The following EXT1 variants were observed in gnomAD, a reference collection of about 807,000 sequenced individuals.
EXT1 encodes exostosin-1.
EXT1 carries 20 observed loss-of-function variants against 82.5 expected under a neutral mutation model. The observed-to-expected ratio is 0.24, with a 90% CI of 0.17 to 0.35. EXT1 has a LOEUF of 0.35. Among genes scored for constraint, EXT1 ranks in the 10% least tolerant of loss-of-function variants. EXT1 has a pLI of 1.00. For synonymous variants in EXT1, 348 were observed against 350.8 expected (o/e 0.99, Z 0.09); for missense variants, 757 against 936.5 (o/e 0.81, Z 2.50).
chr8:117,863,641 A>G (rs778562789), intron 1 of EXT1, among the ~76,000 whole-genome samples: 1 of 152,062 alleles, frequency 6.6e-6, no homozygotes, highest in South Asian at 2.1e-4. Context: ...GGACTCCCCA[A>G]AGGACAGTAA....
intron 1 of EXT1, among the ~76,000 whole-genome samples, chr8:117,880,844 G>C (rs1813046711): frequency 6.6e-6 from 1 of 152,104 alleles, no homozygotes; most frequent in African/African-American, 2.4e-5. Flanking sequence ...ACCCACCTCG[G>C]CCTCCCAAAG....
intron 1 of EXT1, among the ~76,000 whole-genome samples, chr8:118,042,302 T>C (rs1816546413): frequency 6.6e-6 from 1 of 151,592 alleles, no homozygotes; most frequent in South Asian, 2.1e-4. Flanking sequence ...GTTTTTTGTT[T>C]TGTTTTGTTT....
At chr8:118,036,204 C>T (rs770134219) in intron 1 of EXT1, among the ~76,000 whole-genome samples, 13 of 152,042 alleles carry the variant, frequency 8.6e-5, no homozygotes, top group Non-Finnish European at 1.3e-4. Context: ...CTGGGTACCT[C>T]AAAGTTGACA....
chr8:118,012,256 T>C (rs1428280685), intron 1 of EXT1, among the ~76,000 whole-genome samples: 1 of 152,236 alleles, frequency 6.6e-6, no homozygotes, highest in African/African-American at 2.4e-5. Context: ...TTTAGAAGCC[T>C]TGCTGAAAGT....
rs17476791 is a variant in EXT1 at position 118,049,082 on chromosome 8, A to G, written c.962+61003T>C. Among the ~76,000 whole-genome samples, 927 of 152,346 alleles carry G rather than the reference A, an allele frequency of 6.1e-3. 10 individuals carry two copies. Among genetic ancestry groups the G allele is most frequent in the African/African-American group, 0.021 (868 of 41,576 alleles). ...ATCCATTTACAGCCAACTATTTCAGACTGGTTAGATCACATAAAAATATTT... is the reference window on the plus strand; with the variant it reads ...ATCCATTTACAGCCAACTATTTCAGGCTGGTTAGATCACATAAAAATATTT... On this transcript the variant is annotated intron_variant, in intron 1 of 10. Coordinates refer to ENST00000378204, the MANE Select transcript of EXT1 (RefSeq NM_000127.3).
chr8:117,851,519 T>C (rs1812453407), intron 1 of EXT1, among the ~76,000 whole-genome samples: 1 of 151,900 alleles, frequency 6.6e-6, no homozygotes, highest in Non-Finnish European at 1.5e-5. Flanking sequence ...ATTTTTTTTT[T>C]TCTCTCCAAC....
intron 1 of EXT1, among the ~76,000 whole-genome samples, chr8:117,911,285 G>A (rs371479216): frequency 1.3e-5 from 2 of 152,066 alleles, no homozygotes; most frequent in East Asian, 3.9e-4. Context: ...CACAAGAAAA[G>A]GCCTCCTGTC....
intron 1 of EXT1, among the ~76,000 whole-genome samples, chr8:117,931,759 T>C (rs1306791913): frequency 6.6e-6 from 1 of 152,254 alleles, no homozygotes; most frequent in African/African-American, 2.4e-5. Flanking sequence ...ATCTATGTTT[T>C]AGGTATATTT....
chr8:117,919,506 C>CTT (rs34037715), intron 1 of EXT1, among the ~76,000 whole-genome samples: 25,981 of 141,054 alleles, frequency 0.18, 2,501 homozygotes, highest in Middle Eastern at 0.23. Flanking sequence ...TGAGTTAAAA[C>CTT]TTTTTTTTTT....
intron 1 of EXT1, among the ~76,000 whole-genome samples, chr8:118,022,438 AGCGAT>A (rs1368770449): frequency 4.2e-5 from 6 of 142,664 alleles, no homozygotes; most frequent in Non-Finnish European, 9.0e-5. Flanking sequence ...CCCAGGTTCA[AGCGAT>A]TCTCCTGCCT....
At chr8:117,904,267 C>A (rs73704827) in intron 1 of EXT1, among the ~76,000 whole-genome samples, 7,065 of 152,186 alleles carry the variant, frequency 0.046, 554 homozygotes, top group African/African-American at 0.16. Flanking sequence ...AAAAGCAGTT[C>A]CTATAACAAA....
At chr8:117,861,338 T>C (rs4478606) in intron 1 of EXT1, among the ~76,000 whole-genome samples, 112,090 of 152,120 alleles carry the variant, frequency 0.74, 41,700 homozygotes, top group Non-Finnish European at 0.79. Context: ...ACTAGTTTGT[T>C]ATTTTAAAAT....
chr8:118,007,883 A>G (rs1815812165), intron 1 of EXT1, among the ~76,000 whole-genome samples: 1 of 152,242 alleles, frequency 6.6e-6, no homozygotes, highest in South Asian at 2.1e-4. Flanking sequence ...ACATTACCCA[A>G]GGGACTAATG....
At chr8:117,812,306 A>G (rs1823339124) in intron 8 of EXT1, among the ~76,000 whole-genome samples, 1 of 152,078 alleles carries the variant, frequency 6.6e-6, no homozygotes, top group African/African-American at 2.4e-5. Flanking sequence ...TCTTTAGGCA[A>G]TCTTATTTTT....
intron 1 of EXT1, among the ~76,000 whole-genome samples, chr8:118,032,301 C>T (rs1563634954): frequency 6.6e-6 from 1 of 151,714 alleles, no homozygotes; most frequent in African/African-American, 2.4e-5. Flanking sequence ...CCCTCCTAGA[C>T]GTGGTGAATC....
intron 1 of EXT1, among the ~76,000 whole-genome samples, chr8:118,046,851 C>A (rs1312330760): frequency 1.3e-5 from 2 of 152,216 alleles, no homozygotes; most frequent in East Asian, 3.8e-4. Context: ...AATCCATCAA[C>A]AGAATACCCC....
chr8:118,109,896 G>T (rs753163335), intron 1 of EXT1, among the ~76,000 whole-genome samples, 189 bp downstream of exon 1: 2 of 152,110 alleles, frequency 1.3e-5, no homozygotes, highest in African/African-American at 4.8e-5. Flanking sequence ...CAGTTTGCCC[G>T]AGGAGCTCCA....
intron 1 of EXT1, among the ~76,000 whole-genome samples, chr8:118,087,553 T>A (rs1034504027): frequency 6.6e-6 from 1 of 152,202 alleles, no homozygotes; most frequent in East Asian, 1.9e-4. Context: ...GTTGTTTCTT[T>A]AATTATGCTG....
chr8:117,858,766 A>AAGGAAGGAAGGAAGGCAGGCAGGC (rs1289892313), intron 1 of EXT1, among the ~76,000 whole-genome samples: 9 of 54,672 alleles, frequency 1.6e-4, no homozygotes, highest in African/African-American at 8.2e-4. Context: ...GGAAGGAAGG[A>AAGGAAGGAAGGAAGGCAGGCAGGC]AGGCAGGCAG....
Sources: allele counts gnomAD v4.1 joint callset (sites outside exome capture counted in the v4.1 genomes callset), GRCh38; gene constraint gnomAD v4.1.1; transcripts MANE v1.5; gene names NCBI Gene and HGNC (gene_info 2026-07-23, HGNC 2026-07-21).